Variants in SLC35F4 observed in about 807,000 individuals in gnomAD.
SLC35F4 encodes solute carrier family 35 member F4.
Under a neutral mutation model 44.2 loss-of-function variants are expected in SLC35F4, and 24 were observed. The ratio of observed to expected loss-of-function variants is 0.54; its 90% CI spans 0.39 to 0.76. The LOEUF is 0.76. SLC35F4 is among the 30% of genes least tolerant of loss of function. The probability of loss-of-function intolerance (pLI) is 0.00; values close to 1 mark genes in which losing one functional copy is unlikely to be tolerated. For synonymous variants in SLC35F4, 238 were observed against 223.6 expected, an observed-to-expected ratio of 1.06 and a Z score of -0.57; for missense variants, 562 against 586.1, an observed-to-expected ratio of 0.96 and a Z score of 0.42.
rs1349516001 is a variant in SLC35F4, at chr14:57,572,420, C to T, written c.808-401G>A. 2.6e-5 allele frequency among the ~76,000 whole-genome samples: 4 copies of T among 152,112 alleles called. No homozygotes were observed. In the East Asian group the frequency reaches 7.7e-4, roughly 29 times the overall value. On this transcript the variant is annotated intron_variant, in intron 4 of 7. Transcript: ENST00000556826. ...ATTCTTTTTCCTCCAATTCAGCATACATTTTAATCAGCTCCTTGGCTCAAG... is the reference window on the plus strand; with the variant it reads ...ATTCTTTTTCCTCCAATTCAGCATATATTTTAATCAGCTCCTTGGCTCAAG...
At chr14:57,972,723 T>A (rs552605959), downstream of SLC35F4, among the ~76,000 whole-genome samples, 33 of 152,290 alleles carry the variant, frequency 2.2e-4, no homozygotes, top group Admixed American at 6.5e-4. Context: ...AGCAGCCAAA[T>A]CATCTTCATG....
Position 57,581,269 on chromosome 14 carries a change from G to A in SLC35F4, c.752C>T (p.Ala251Val). ...DVSALFCCNK[A>V]FVFLLSWIVL... is the part of the protein sequence containing the mutation. Reference sequence around the variant, plus strand: ...AATCCATGACAGCAAGAAGACAAAGGCTTTGTTACAACAGAACAGAGCGGA... The same window carrying A: ...AATCCATGACAGCAAGAAGACAAAGACTTTGTTACAACAGAACAGAGCGGA... The change falls in exon 4 of 8, where the codon GCC becomes GTC. Residue 251 changes from alanine to valine, a missense_variant. Transcript: ENST00000556826. The A allele has an allele frequency of 6.2e-7, 1 of 1,609,858 alleles. No homozygotes were observed. Among genetic ancestry groups the A allele is most frequent in the African/African-American group, 1.3e-5 (1 of 74,706 alleles).
chr14:57,744,071 G>A (rs1032366954), intron 1 of SLC35F4, among the ~76,000 whole-genome samples: 20 of 152,186 alleles, frequency 1.3e-4, no homozygotes, highest in South Asian at 2.1e-4. Context: ...TTGATGGGAC[G>A]TATCTCAAAA....
intron 1 of SLC35F4, among the ~76,000 whole-genome samples, chr14:57,795,235 TG>T (rs2078026461): frequency 6.6e-6 from 1 of 152,176 alleles, no homozygotes; most frequent in African/African-American, 2.4e-5. Flanking sequence ...TTACTAGGTT[TG>T]GATCGATGGA....
In SLC35F4 at chr14:57,589,568, C is replaced by T. The variant is rs1315666362; in HGVS notation, c.290-55G>A. The T allele has an allele frequency of 2.0e-6, 3 of 1,485,314 alleles. 1 individual carries two copies. The Admixed American group carries it at 7.0e-5, about 34-fold the overall frequency. 92.0% of individuals were successfully genotyped at this position (1,485,314 alleles called of 1,614,324 possible). ...GGAAAGCAGGTTATGAAACAGCAAT[C>T]AAATATATCAGCTCCTTAAAAAAGA... On this transcript the variant is annotated intron_variant, in intron 2 of 7. Transcript: ENST00000556826.
chr14:57,946,469 C>CTTTT lies in SLC35F4; in HGVS notation n.282+35440_282+35443dup, dbSNP rs71104596. ...TCTTTGTTTTGTTTTGTTTTCTTTTCTTTTTTTTTTTTTTTTTTTTTTTGA... is the reference window on the plus strand; with the variant it reads ...TCTTTGTTTTGTTTTGTTTTCTTTTCTTTTTTTTTTTTTTTTTTTTTTTTTTTGA... On this transcript the variant is annotated intron_variant and non_coding_transcript_variant, in intron 1 of 1. Transcript: ENST00000556568. Among the ~76,000 whole-genome samples, 524 of 78,082 alleles carry CTTTT rather than the reference C, an allele frequency of 6.7e-3. 1 individual carries two copies. Among genetic ancestry groups the CTTTT allele is most frequent in the Non-Finnish European group, 8.8e-3 (374 of 42,446 alleles). The allele number at this position is 78,082 out of a possible 152,430, so 51.2% of individuals were successfully genotyped here.
chr14:57,905,202 G>T (rs1889083853), intron 1 of SLC35F4, among the ~76,000 whole-genome samples: 1 of 152,178 alleles, frequency 6.6e-6, no homozygotes, highest in African/African-American at 2.4e-5. Context: ...TGCCAAGTTG[G>T]TGCTGGCTGT....
At chr14:57,770,658 A>C (rs1470945891) in intron 1 of SLC35F4, among the ~76,000 whole-genome samples, 5 of 152,120 alleles carry the variant, frequency 3.3e-5, no homozygotes, top group Non-Finnish European at 7.4e-5. Flanking sequence ...TTTCCAGTGC[A>C]GGGGTGGGCA....
intron 1 of SLC35F4, among the ~76,000 whole-genome samples, chr14:57,776,448 C>G (rs1173982099): frequency 1.3e-5 from 2 of 151,916 alleles, no homozygotes; most frequent in African/African-American, 4.8e-5. Context: ...GGGCGGATCA[C>G]GAGGTCAGGA....
chr14:57,602,756 C>T (rs115841702), intron 1 of SLC35F4, among the ~76,000 whole-genome samples: 3,687 of 152,232 alleles, frequency 0.024, 73 homozygotes, highest in Middle Eastern at 0.054. Context: ...GATTCATATA[C>T]TAAAGAAGTG....
chr14:57,828,971 C>T (rs949129464), intron 1 of SLC35F4, among the ~76,000 whole-genome samples: 2 of 152,204 alleles, frequency 1.3e-5, no homozygotes, highest in East Asian at 3.8e-4. Context: ...GCTCACTATG[C>T]CTCCTTTTAA....
intron 1 of SLC35F4, among the ~76,000 whole-genome samples, chr14:57,649,341 C>A (rs1461834394): frequency 6.6e-6 from 1 of 152,136 alleles, no homozygotes; most frequent in Non-Finnish European, 1.5e-5. Context: ...CTGGAGGTTC[C>A]AGGGGAGAAC....
intron 1 of SLC35F4, among the ~76,000 whole-genome samples, chr14:57,834,057 A>G (rs1386278199): frequency 6.6e-6 from 1 of 152,222 alleles, no homozygotes; most frequent in Non-Finnish European, 1.5e-5. Flanking sequence ...AAAGTCTATA[A>G]ATTAAAATAA....
At chr14:57,693,538 G>A (rs1027311116) in intron 1 of SLC35F4, among the ~76,000 whole-genome samples, 3 of 152,192 alleles carry the variant, frequency 2.0e-5, no homozygotes, top group African/African-American at 7.2e-5. Context: ...ACTAGCCAGA[G>A]CCCATCCCTT....
At chr14:57,715,316 T>G (rs530568210) in intron 1 of SLC35F4, among the ~76,000 whole-genome samples, 23 of 152,340 alleles carry the variant, frequency 1.5e-4, no homozygotes, top group Admixed American at 1.5e-3. Flanking sequence ...TACCCAGAAG[T>G]GATGATAGCT....
At chr14:57,715,166 G>C (rs889885750) in intron 1 of SLC35F4, among the ~76,000 whole-genome samples, 11 of 152,042 alleles carry the variant, frequency 7.2e-5, no homozygotes, top group African/African-American at 2.7e-4. Context: ...GGGTTATAGG[G>C]GGAAAAAAAA....
At chr14:57,932,373 C>A (rs1299034091) in intron 1 of SLC35F4, among the ~76,000 whole-genome samples, 2 of 152,206 alleles carry the variant, frequency 1.3e-5, no homozygotes, top group Non-Finnish European at 2.9e-5. Context: ...ACCAAATGTT[C>A]TAATTAGGCA....
chr14:57,748,387 A>G (rs143798500), intron 1 of SLC35F4, among the ~76,000 whole-genome samples: 59 of 152,268 alleles, frequency 3.9e-4, no homozygotes, highest in African/African-American at 1.4e-3. Context: ...AACAGTTTCA[A>G]TACAGGGATC....
At chr14:57,820,717 T>G (rs539693955) in intron 1 of SLC35F4, among the ~76,000 whole-genome samples, 33 of 152,334 alleles carry the variant, frequency 2.2e-4, no homozygotes, top group Admixed American at 9.2e-4. Flanking sequence ...GTTTAGAGTA[T>G]GAACTGAGTA....
Sources: allele counts gnomAD v4.1 joint callset (sites outside exome capture counted in the v4.1 genomes callset), GRCh38; gene constraint gnomAD v4.1.1; transcripts MANE v1.5; gene names NCBI Gene and HGNC (gene_info 2026-07-23, HGNC 2026-07-21).